Variants in ARV1 observed in about 807,000 individuals in gnomAD.
ARV1 encodes protein ARV1.
A neutral mutation model predicts 31.1 loss-of-function variants in ARV1; 26 were observed. That is an observed-to-expected ratio of 0.84 (90% confidence interval 0.61 to 1.16). The LOEUF is 1.16. Ranked by LOEUF, ARV1 falls within the 50% of genes most tolerant of loss-of-function variation. ARV1 has a pLI of 0.00. For synonymous variants in ARV1, 117 were observed against 123.2 expected, an observed-to-expected ratio of 0.95 and a Z score of 0.34; for missense variants, 281 against 324.9, an observed-to-expected ratio of 0.86 and a Z score of 1.04.
Position 230,997,233 on chromosome 1 carries a change from T to C in ARV1, c.786T>C (p.Asp262=). ...FQSMEWDVGS[D]YAIFKSQDF ...GTATGGAATGGGATGTTGGAAGTGATTATGCCATCTTTAAATCTCAGGACT... is the reference window on the plus strand; with the variant it reads ...GTATGGAATGGGATGTTGGAAGTGACTATGCCATCTTTAAATCTCAGGACT... The change falls in exon 5 of 6, where the codon GAT becomes GAC. Residue 262 remains aspartate (D), a synonymous_variant. Coordinates refer to ENST00000310256, the MANE Select transcript of ARV1 (RefSeq NM_022786.3). 1 of 1,614,078 alleles carries C rather than the reference T, an allele frequency of 6.2e-7. No homozygotes were observed. The highest frequency in any genetic ancestry group is 1.3e-5 in the African/African-American group (1 of 75,054).
At chr1:230,991,462 C>T (rs1418591473) in intron 3 of ARV1, among the ~76,000 whole-genome samples, 1 of 152,050 alleles carries the variant, frequency 6.6e-6, no homozygotes, top group Non-Finnish European at 1.5e-5. Context: ...CATAATTGAG[C>T]TCCTCATCTC....
At chr1:230,998,163 A>G (rs902577171) in intron 5 of ARV1, among the ~76,000 whole-genome samples, 1 of 152,086 alleles carries the variant, frequency 6.6e-6, no homozygotes, top group African/African-American at 2.4e-5. Context: ...AGTCACAGCC[A>G]GACTGTGGAT....
Position 230,979,246 on chromosome 1 carries a change from C to T in ARV1, c.141C>T (p.Asp47=), listed in dbSNP as rs760228316. Residue 47 remains aspartate (D), a synonymous_variant, in exon 1 of 6, where the codon GAC becomes GAT. Transcript: ENST00000310256. ...CNQEAKELYR[D]YNHGVLKITI... ...AGGAGGCCAAAGAGTTGTACCGAGA[C>T]TATAACCACGGTGTGCTGAAGATAA... 2.5e-6 allele frequency: 4 copies of T among 1,613,252 alleles called. No homozygotes were observed. Among genetic ancestry groups the T allele is most frequent in the East Asian group, 4.5e-5 (2 of 44,796 alleles).
intron 1 of ARV1, among the ~76,000 whole-genome samples, chr1:230,980,514 T>G (rs1387748526): frequency 1.3e-5 from 2 of 151,926 alleles, no homozygotes; most frequent in African/African-American, 4.8e-5. Flanking sequence ...TTTTTGTATT[T>G]TTAGTAGAGA....
intron 3 of ARV1, among the ~76,000 whole-genome samples, 165 bp from the exon 4 acceptor site, chr1:230,995,595 C>A (rs6690341): frequency 0.72 from 106,511 of 147,826 alleles, 38,409 homozygotes; most frequent in South Asian, 0.83. Flanking sequence ...AAAAAAAAAA[C>A]AACACACAAA....
In ARV1 at chr1:230,997,398, C is replaced by T. The variant is rs1450973544; in HGVS notation, c.*4+131C>T. 4.6e-6 allele frequency: 5 copies of T among 1,093,104 alleles called. No individual in the cohort carries two copies. The African/African-American group carries it at 6.3e-5, about 14-fold the overall frequency. The allele number at this position is 1,093,104 out of a possible 1,614,324, so 67.7% of individuals were successfully genotyped here. A position where few individuals can be genotyped will look rare whatever the true frequency, so the allele number is the denominator to read the frequency against. On this transcript the variant is annotated intron_variant, in intron 5 of 5. Transcript: ENST00000310256. The stretch of plus-strand genomic sequence containing the variant: ...CGTCTAACTGCCTCTAGGTCACCCT[C>T]ATCTTCCTCAAGGACTTTACTACAT...
chr1:230,985,978 G>A (rs991914698), intron 1 of ARV1, among the ~76,000 whole-genome samples: 1 of 151,602 alleles, frequency 6.6e-6, no homozygotes, highest in Non-Finnish European at 1.5e-5. Context: ...GTGCAGTGGC[G>A]TGAACTCAGC....
intron 3 of ARV1, among the ~76,000 whole-genome samples, chr1:230,991,714 C>A (rs548042768): frequency 6.6e-6 from 1 of 151,204 alleles, no homozygotes; most frequent in East Asian, 2.0e-4. Context: ...TCACTGCAAC[C>A]TCTGCCTCCT....
chr1:230,986,848 A>G (rs1018722636), intron 1 of ARV1, among the ~76,000 whole-genome samples: 2 of 151,718 alleles, frequency 1.3e-5, no homozygotes, highest in African/African-American at 4.8e-5. Flanking sequence ...TGCCTTTTCC[A>G]TCTTAGCACT....
In ARV1 at chr1:230,988,379, T is replaced by C; in HGVS notation, c.234T>C (p.Ile78=). ...AGTATGATCCTGTTATCATCTTGAT[T>C]AATGCTATATTGTGCAAAGCTCAGG... ...YIEYDPVIIL[I]NAILCKAQAY... The change falls in exon 2 of 6, where the codon ATT becomes ATC. Residue 78 remains isoleucine (I), a synonymous_variant. Transcript: ENST00000310256. The C allele has an allele frequency of 6.3e-7, 1 of 1,595,308 alleles. No individual in the cohort carries two copies. Among genetic ancestry groups the C allele is most frequent in the Non-Finnish European group, 8.6e-7 (1 of 1,164,934 alleles).
intron 1 of ARV1, among the ~76,000 whole-genome samples, chr1:230,985,363 A>G (rs1327097817): frequency 2.0e-5 from 3 of 152,184 alleles, no homozygotes; most frequent in Admixed American, 1.3e-4. Context: ...AGACCATATC[A>G]TAGAGGCATG....
chr1:230,994,656 G>A (rs1024807850), intron 3 of ARV1, among the ~76,000 whole-genome samples: 5 of 151,332 alleles, frequency 3.3e-5, no homozygotes, highest in African/African-American at 1.2e-4. Flanking sequence ...ATTCTCCTGC[G>A]TCAGCCTCCC....
At position 230,990,022 on chromosome 1, in the gene ARV1, G is replaced by A. The variant is rs548386472; in HGVS notation, c.295-88G>A. 6.9e-5 allele frequency: 93 copies of A among 1,341,506 alleles called. No homozygotes were observed. The African/African-American group carries it at 1.2e-3, about 17-fold the overall frequency. The allele number at this position is 1,341,506 out of a possible 1,614,324, so 83.1% of individuals were successfully genotyped here. A position where few individuals can be genotyped will look rare whatever the true frequency, so the allele number is the denominator to read the frequency against. On this transcript the variant is annotated intron_variant, in intron 2 of 5. Transcript: ENST00000310256. ...AGTCCTGAATTTGAAAAGTGACTAG[G>A]TGGGATGCCACAAATACTCTGTACC... is the stretch of plus-strand genomic sequence containing the variant.
At chr1:230,985,320 T>G (rs1679035353) in intron 1 of ARV1, among the ~76,000 whole-genome samples, 1 of 152,188 alleles carries the variant, frequency 6.6e-6, no homozygotes. Flanking sequence ...TTGTAGCCGT[T>G]GGATGTTACA....
At chr1:230,994,128 A>G (rs1034086640) in intron 3 of ARV1, among the ~76,000 whole-genome samples, 5 of 152,192 alleles carry the variant, frequency 3.3e-5, no homozygotes, top group Non-Finnish European at 7.3e-5. Context: ...ACACTGGAGT[A>G]TTCTATACGT....
chr1:230,992,697 C>A (rs1040269540), intron 3 of ARV1, among the ~76,000 whole-genome samples: 3 of 152,320 alleles, frequency 2.0e-5, no homozygotes, highest in East Asian at 1.9e-4. Context: ...CCATCAGTTA[C>A]ACTCGGTGAT....
chr1:230,979,594 C>T (rs1249212839), intron 1 of ARV1: 2 of 331,688 alleles, frequency 6.0e-6, no homozygotes, highest in South Asian at 5.8e-5. Flanking sequence ...AAGCTACTTC[C>T]TTCTAGCTCT....
At chr1:230,997,978 G>A (rs1679418205) in intron 5 of ARV1, among the ~76,000 whole-genome samples, 1 of 152,168 alleles carries the variant, frequency 6.6e-6, no homozygotes, top group Non-Finnish European at 1.5e-5. Context: ...CGTCCCCTTT[G>A]TCTGCTCTGA....
chr1:230,982,454 T>A (rs1282547930), intron 1 of ARV1, among the ~76,000 whole-genome samples: 1 of 152,256 alleles, frequency 6.6e-6, no homozygotes, highest in Admixed American at 6.5e-5. Context: ...AAACAGCAGG[T>A]GTTTATTTTG....
Sources: allele counts gnomAD v4.1 joint callset (sites outside exome capture counted in the v4.1 genomes callset), GRCh38; gene constraint gnomAD v4.1.1; transcripts MANE v1.5; gene names NCBI Gene and HGNC (gene_info 2026-07-23, HGNC 2026-07-21).